Variants in C14orf180 observed in about 807,000 individuals in gnomAD.
The protein encoded by C14orf180 is chromosome 14 open reading frame 180, also known as nutritionally-regulated adipose and cardiac enriched protein homolog.
Under a neutral mutation model 13.9 loss-of-function variants are expected in C14orf180, and 13 were observed. That is an observed-to-expected ratio of 0.94 (90% CI 0.61 to 1.49). C14orf180 has a LOEUF of 1.49. Ranked by LOEUF, C14orf180 falls within the 40% of genes most tolerant of loss-of-function variation. The probability of loss-of-function intolerance (pLI) is 0.00; values close to 1 mark genes in which losing one functional copy is unlikely to be tolerated. For synonymous variants in C14orf180, 113 were observed against 106.3 expected (o/e 1.06, Z -0.39); for missense variants, 238 against 232.0 (o/e 1.03, Z -0.17).
Position 104,586,422 on chromosome 14 carries a change from T to A in C14orf180, c.-9T>A, listed in dbSNP as rs780951055. On this transcript the variant is annotated 5_prime_UTR_variant, in exon 2 of 5. Transcript: ENST00000557649. ...CGTCTCTGCTTATCTTAGGACCATG[T>A]TCCAGTAAATGAGGACTGCAGCAGG... 22 of 1,501,090 alleles carry A rather than the reference T, an allele frequency of 1.5e-5. No individual in the cohort carries two copies. The highest frequency in any genetic ancestry group is 1.8e-5 in the Non-Finnish European group (20 of 1,119,098). The allele number at this position is 1,501,090 out of a possible 1,614,324, so 93.0% of individuals were successfully genotyped here. A position where few individuals can be genotyped will look rare whatever the true frequency, so the allele number is the denominator to read the frequency against.
At chr14:104,581,081 C>T (rs953141249) in intron 1 of C14orf180, 1 of 152,320 alleles carries the variant, frequency 6.6e-6, no homozygotes, top group Non-Finnish European at 1.5e-5. Flanking sequence ...GGGGCCTCCC[C>T]ACAAGTTCTC....
chr14:104,582,343 G>A (rs1011799541), intron 1 of C14orf180, among the ~76,000 whole-genome samples: 3 of 152,110 alleles, frequency 2.0e-5, no homozygotes, highest in Non-Finnish European at 4.4e-5. Context: ...CTGGTCTCGA[G>A]GGGGAGGGAC....
At chr14:104,585,762 G>A (rs1886597123) in intron 1 of C14orf180, among the ~76,000 whole-genome samples, 1 of 151,322 alleles carries the variant, frequency 6.6e-6, no homozygotes, top group African/African-American at 2.5e-5. Context: ...GAATCAGAGA[G>A]AGGCAGGGGG....
chr14:104,588,689 C>CGGCACTGGA lies in C14orf180; in HGVS notation c.392_400dup (p.Ala131_Glu133dup). 1 of 1,535,352 alleles carries CGGCACTGGA rather than the reference C, an allele frequency of 6.5e-7. No homozygotes were observed. Among genetic ancestry groups the CGGCACTGGA allele is most frequent in the Admixed American group, 2.0e-5 (1 of 50,946 alleles). On this transcript the variant is annotated inframe_insertion, in exon 5 of 5. Transcript: ENST00000557649. ...TGCGGCCGGGCCAAGCCCGTGGCAA[C>CGGCACTGGA]GGCACTGGAGGACCTGCGGGCCCGG...
intron 3 of C14orf180, 96 bp downstream of exon 3, chr14:104,587,974 C>G: frequency 6.9e-7 from 1 of 1,441,434 alleles, no homozygotes; most frequent in South Asian, 1.4e-5. Flanking sequence ...TGGCAGGGCC[C>G]AGGACATGGG....
At chr14:104,586,320 T>G in intron 1 of C14orf180, 95 bp from the exon 2 acceptor site, 1 of 868,468 alleles carries the variant, frequency 1.2e-6, no homozygotes. Context: ...GAAGCCAGCC[T>G]GGCTTCCAGG....
Position 104,586,398 on chromosome 14 carries a change from G to T in C14orf180, c.-16-17G>T. 7.2e-7 allele frequency: 1 copy of T among 1,385,520 alleles called. No individual in the cohort carries two copies. Among genetic ancestry groups the T allele is most frequent in the Non-Finnish European group, 9.6e-7 (1 of 1,038,666 alleles). The allele number at this position is 1,385,520 out of a possible 1,614,324, so 85.8% of individuals were successfully genotyped here. A position where few individuals can be genotyped will look rare whatever the true frequency, so the allele number is the denominator to read the frequency against. On this transcript the variant is annotated splice_polypyrimidine_tract_variant and intron_variant, in intron 1 of 4. Coordinates refer to ENST00000557649, the MANE Select transcript of C14orf180 (RefSeq NM_001008404.3). ...ACTTGTGCAGTAAATAATAAATAAC[G>T]TCTCTGCTTATCTTAGGACCATGTT...
At chr14:104,586,164 AGAT>A (rs988146728) in intron 1 of C14orf180, among the ~76,000 whole-genome samples, 3 of 152,226 alleles carry the variant, frequency 2.0e-5, no homozygotes, top group Non-Finnish European at 2.9e-5. Flanking sequence ...CAGCCATTAA[AGAT>A]GATAATTATG....
chr14:104,588,954 T>C lies in C14orf180; in HGVS notation c.*171T>C. ...GGACCCCGTGGCGTGAGATCGGACA[T>C]GGGGGGCACAGCAGGCGGCCCCGCC... On this transcript the variant is annotated 3_prime_UTR_variant, in exon 5 of 5. Coordinates refer to ENST00000557649, the MANE Select transcript of C14orf180 (RefSeq NM_001008404.3). The C allele has an allele frequency of 2.9e-6, 4 of 1,364,186 alleles. No individual in the cohort carries two copies. Among genetic ancestry groups the C allele is most frequent in the Non-Finnish European group, 3.9e-6 (4 of 1,035,718 alleles). The allele number at this position is 1,364,186 out of a possible 1,614,324, so 84.5% of individuals were successfully genotyped here.
At position 104,589,727 on chromosome 14, in the gene C14orf180, G is replaced by GCGTC. The variant is rs1385363318; in HGVS notation, c.*946_*949dup. Reference sequence around the variant, plus strand: ...GAGAGACACAGGGACAATCAGACCAGCGTCCTCGAGGTTAGCCTGAGGCGG... The same window carrying GCGTC: ...GAGAGACACAGGGACAATCAGACCAGCGTCCGTCCTCGAGGTTAGCCTGAGGCGG... On this transcript the variant is annotated 3_prime_UTR_variant, in exon 5 of 5. Transcript: ENST00000557649. The surrounding 1 kb of genome is among the most constrained non-coding windows in gnomAD (Gnocchi z 4.9). 1.3e-5 allele frequency: 2 copies of GCGTC among 152,438 alleles called. No homozygotes were observed. The highest frequency in any genetic ancestry group is 2.9e-5 in the Non-Finnish European group (2 of 68,048). 9.4% of individuals were successfully genotyped at this position (152,438 alleles called of 1,614,324 possible). A position where few individuals can be genotyped will look rare whatever the true frequency, so the allele number is the denominator to read the frequency against.
chr14:104,580,546 T>C (rs1299670165), intron 1 of C14orf180, among the ~76,000 whole-genome samples: 1 of 152,118 alleles, frequency 6.6e-6, no homozygotes, highest in East Asian at 1.9e-4. Context: ...TGAAGGGCCT[T>C]GGTGGGGGGC....
At chr14:104,588,502 C>T (rs1596291356) in intron 4 of C14orf180, 76 bp from the exon 5 acceptor site, 2 of 1,437,260 alleles carry the variant, frequency 1.4e-6, no homozygotes, top group East Asian at 4.9e-5. Context: ...TCTCCCCATC[C>T]CTTCCCCACC....
At chr14:104,585,180 C>T (rs1263749210) in intron 1 of C14orf180, among the ~76,000 whole-genome samples, 1 of 152,226 alleles carries the variant, frequency 6.6e-6, no homozygotes, top group Non-Finnish European at 1.5e-5. Context: ...GCAGTACCCT[C>T]CAAGGACCCC....
At chr14:104,580,902 A>G (rs1203582161) in intron 1 of C14orf180, among the ~76,000 whole-genome samples, 1 of 152,230 alleles carries the variant, frequency 6.6e-6, no homozygotes, top group Non-Finnish European at 1.5e-5. Context: ...ATGAGCAGCC[A>G]TCACCCGGTA....
At position 104,588,847 on chromosome 14, in the gene C14orf180, A is replaced by G; in HGVS notation, c.*64A>G. 6.6e-7 allele frequency: 1 copy of G among 1,516,846 alleles called. No individual in the cohort carries two copies. Among genetic ancestry groups the G allele is most frequent in the Non-Finnish European group, 8.8e-7 (1 of 1,134,616 alleles). The allele number at this position is 1,516,846 out of a possible 1,614,324, so 94.0% of individuals were successfully genotyped here. A position where few individuals can be genotyped will look rare whatever the true frequency, so the allele number is the denominator to read the frequency against. On this transcript the variant is annotated 3_prime_UTR_variant, in exon 5 of 5. Coordinates refer to ENST00000557649, the MANE Select transcript of C14orf180 (RefSeq NM_001008404.3). ...GCTCAAGCACTCCGGGGGCTCCGAG[A>G]CAGCCTGAGCCCTGGCCCTGCTGCT...
chr14:104,581,817 A>G (rs1296536269), intron 1 of C14orf180, among the ~76,000 whole-genome samples: 3 of 117,130 alleles, frequency 2.6e-5, no homozygotes, highest in Non-Finnish European at 6.1e-5. Flanking sequence ...ACAGGGAAAC[A>G]GGGAGCCTGG....
Position 104,588,582 on chromosome 14 carries a change from C to T in C14orf180, c.282C>T (p.Pro94=), listed in dbSNP as rs892171831. 186 of 1,446,046 alleles carry T rather than the reference C, an allele frequency of 1.3e-4. No homozygotes were observed. Among genetic ancestry groups the T allele is most frequent in the Middle Eastern group, 2.3e-4 (1 of 4,436 alleles). 89.6% of individuals were successfully genotyped at this position (1,446,046 alleles called of 1,614,324 possible). ...DKNATATVRV[P]GRPRPHGGSL... ...CTGCCTGCCCTCTGGCCGCAGTGCC[C>T]GGCCGGCCCAGGCCACACGGCGGCT... is the stretch of plus-strand genomic sequence containing the variant. The change falls in exon 5 of 5, where the codon CCC becomes CCT. Residue 94 remains proline, a synonymous_variant. Transcript: ENST00000557649.
At chr14:104,583,253 G>A (rs956846524) in intron 1 of C14orf180, among the ~76,000 whole-genome samples, 4 of 152,044 alleles carry the variant, frequency 2.6e-5, no homozygotes, top group Non-Finnish European at 4.4e-5. Flanking sequence ...GGAGCAGAGC[G>A]TGGCCCAGGG....
chr14:104,584,957 A>G (rs1886569249), intron 1 of C14orf180, among the ~76,000 whole-genome samples: 1 of 152,016 alleles, frequency 6.6e-6, no homozygotes, highest in African/African-American at 2.4e-5. Flanking sequence ...TGCAGTATCC[A>G]CCCAAACCAC....
Sources: gnomAD v4.1 joint callset for allele counts (sites outside exome capture counted in the v4.1 genomes callset) on GRCh38, gnomAD v4.1.1 for gene constraint, Gnocchi (gnomAD v3.1) non-coding constraint, MANE v1.5 for transcripts, NCBI Gene and HGNC (gene_info 2026-07-23, HGNC 2026-07-21) for gene names.